AMBRA1: variants seen among roughly 807,000 people sequenced by gnomAD.
AMBRA1 encodes autophagy and beclin 1 regulator 1.
In AMBRA1, 47 loss-of-function variants were observed where a neutral mutation model predicts 125.4. That is an observed-to-expected ratio of 0.37 (90% CI 0.30 to 0.48). The LOEUF (loss-of-function observed/expected upper bound fraction) is 0.48, where lower values mean the gene tolerates loss of function less well. AMBRA1 is among the 20% of genes least tolerant of loss of function. AMBRA1 has a pLI of 0.99. For missense variants in AMBRA1, 1,331 were observed against 1,693.4 expected (o/e 0.79, Z 3.76); for synonymous variants, 626 against 655.5 (o/e 0.95, Z 0.69).
At chr11:46,545,928 T>C (rs1952994146) in intron 4 of AMBRA1, 152 bp from the exon 5 acceptor site, 1 of 654,854 alleles carries the variant, frequency 1.5e-6, no homozygotes, top group Non-Finnish European at 2.6e-6. Flanking sequence ...AGATCAGCGA[T>C]CTGGTAGTGC....
chr11:46,517,349 T>C (rs549263506), intron 7 of AMBRA1, among the ~76,000 whole-genome samples: 4 of 151,006 alleles, frequency 2.6e-5, no homozygotes, highest in African/African-American at 7.3e-5. Flanking sequence ...GGTTGCACCA[T>C]GTTGGCTGGA....
chr11:46,477,633 C>A (rs561851097), intron 11 of AMBRA1, among the ~76,000 whole-genome samples: 61 of 152,260 alleles, frequency 4.0e-4, no homozygotes, highest in Admixed American at 1.2e-3. Context: ...CTGTGCCCAG[C>A]CTCTTTGAGG....
At chr11:46,421,969 G>C (rs1467259130) in intron 14 of AMBRA1, among the ~76,000 whole-genome samples, 1 of 152,114 alleles carries the variant, frequency 6.6e-6, no homozygotes, top group Admixed American at 6.5e-5. Context: ...TCAAGTAAAG[G>C]TTTCTTTAAT....
At chr11:46,521,379 T>G (rs1240089755) in intron 7 of AMBRA1, among the ~76,000 whole-genome samples, 1 of 152,264 alleles carries the variant, frequency 6.6e-6, no homozygotes, top group Non-Finnish European at 1.5e-5. Flanking sequence ...CTGATGCTCC[T>G]GGACTGTAAA....
chr11:46,517,274 A>G (rs550497063), intron 7 of AMBRA1, among the ~76,000 whole-genome samples: 1 of 150,228 alleles, frequency 6.7e-6, no homozygotes, highest in African/African-American at 2.4e-5. Flanking sequence ...CAGCCTCCCA[A>G]GTAGCTGGGA....
chr11:46,560,369 A>C (rs1307396388), intron 1 of AMBRA1, among the ~76,000 whole-genome samples: 1 of 152,206 alleles, frequency 6.6e-6, no homozygotes, highest in African/African-American at 2.4e-5. Context: ...CTGTAACTAT[A>C]ATAAGGGGGG....
chr11:46,560,963 G>A lies in AMBRA1; in HGVS notation c.-120-12463C>T, dbSNP rs80179555. On this transcript the variant is annotated intron_variant, in intron 1 of 17. Coordinates refer to ENST00000683756, the MANE Select transcript of AMBRA1 (RefSeq NM_001387011.1). ...AATATCAGGAGGCTGGAGTAGGGCC[G>A]ATTTCAAATCATAAAGGATCACATC... is the stretch of plus-strand genomic sequence containing the variant. 6.6e-3 allele frequency among the ~76,000 whole-genome samples: 1,008 copies of A among 152,276 alleles called. 5 individuals are homozygous for A. The highest frequency in any genetic ancestry group is 0.01 in the Non-Finnish European group (704 of 68,030).
intron 1 of AMBRA1, among the ~76,000 whole-genome samples, chr11:46,579,999 C>A (rs2135308077): frequency 6.6e-6 from 1 of 152,340 alleles, no homozygotes; most frequent in South Asian, 2.1e-4. Flanking sequence ...AGGCGTGAGT[C>A]ACCACGCCCA....
intron 11 of AMBRA1, among the ~76,000 whole-genome samples, chr11:46,486,624 G>A (rs551876488): frequency 1.3e-5 from 2 of 152,294 alleles, no homozygotes; most frequent in South Asian, 2.1e-4. Flanking sequence ...GACAAGAGGA[G>A]GCTAGGTGCA....
intron 1 of AMBRA1, among the ~76,000 whole-genome samples, chr11:46,571,999 T>C (rs947184153): frequency 9.9e-5 from 15 of 152,174 alleles, no homozygotes; most frequent in African/African-American, 2.9e-4. Context: ...AATCAATCAA[T>C]ATCTTAAAAA....
chr11:46,564,297 A>G (rs1048392240), intron 1 of AMBRA1, among the ~76,000 whole-genome samples: 1 of 152,006 alleles, frequency 6.6e-6, no homozygotes, highest in Non-Finnish European at 1.5e-5. Flanking sequence ...AATATAACAC[A>G]TATATATACA....
chr11:46,501,037 T>C (rs1950818853), intron 9 of AMBRA1, among the ~76,000 whole-genome samples: 2 of 152,236 alleles, frequency 1.3e-5, no homozygotes, highest in Admixed American at 1.3e-4. Context: ...GGGGCTCATC[T>C]GCCACACATC....
chr11:46,530,335 A>T (rs767858087), intron 7 of AMBRA1, among the ~76,000 whole-genome samples: 1 of 152,220 alleles, frequency 6.6e-6, no homozygotes, highest in African/African-American at 2.4e-5. Context: ...GGGATAATTT[A>T]GATCAGCCTA....
intron 15 of AMBRA1, among the ~76,000 whole-genome samples, chr11:46,417,165 C>A (rs61882691): frequency 0.14 from 21,008 of 152,036 alleles, 1,537 homozygotes; most frequent in Non-Finnish European, 0.17. Context: ...GATTCCCCTG[C>A]CTCAGCCTCC....
In AMBRA1 at chr11:46,542,706, C is replaced by T. The variant is rs770354305; in HGVS notation, c.1311G>A (p.Pro437=). The T allele has an allele frequency of 6.2e-6, 10 of 1,613,944 alleles. No homozygotes were observed. The highest frequency in any genetic ancestry group is 4.5e-5 in the East Asian group (2 of 44,880). ...NSRSEAESMP[P]PRTSASSVSL... is the part of the protein sequence containing the mutation. Reference sequence around the variant, plus strand: ...TCACCGAAGAGGCACTGGTTCTGGGCGGGGGCATGGATTCCGCCTCAGAGC... The same window carrying T: ...TCACCGAAGAGGCACTGGTTCTGGGTGGGGGCATGGATTCCGCCTCAGAGC... The change falls in exon 7 of 18, where the codon CCG becomes CCA. Residue 437 remains proline (P), a synonymous_variant. Transcript: ENST00000683756. The surrounding 1 kb of genome is among the most constrained non-coding windows in gnomAD (Gnocchi z 5.9).
chr11:46,592,768 G>A (rs111328862), intron 1 of AMBRA1, among the ~76,000 whole-genome samples: 137 of 147,392 alleles, frequency 9.3e-4, no homozygotes, highest in African/African-American at 3.4e-3. Flanking sequence ...AAAAAAAAAA[G>A]AAAAAAGAGA....
intron 5 of AMBRA1, among the ~76,000 whole-genome samples, 163 bp from the exon 6 acceptor site, chr11:46,544,204 G>A (rs1952888718): frequency 6.6e-6 from 1 of 152,186 alleles, no homozygotes; most frequent in Admixed American, 6.5e-5. Context: ...GATTAAAATA[G>A]TAACACTCAA....
rs1400886346 is a variant in AMBRA1, at chr11:46,544,048, T to G, written c.552-7A>C. The G allele has an allele frequency of 6.2e-7, 1 of 1,612,354 alleles. No homozygotes were observed. The highest frequency in any genetic ancestry group is 1.1e-5 in the South Asian group (1 of 90,920). On this transcript the variant is annotated splice_polypyrimidine_tract_variant and splice_region_variant and intron_variant, in intron 5 of 17. Coordinates refer to ENST00000683756, the MANE Select transcript of AMBRA1 (RefSeq NM_001387011.1). ...TGGATCAAATCTCACCAGACTAAAA[T>G]CACAGAAGAAAGAGACAAAGACACA...
intron 17 of AMBRA1, 41 bp from the exon 18 acceptor site, chr11:46,397,984 G>T (rs1475922335): frequency 1.3e-6 from 2 of 1,541,344 alleles, no homozygotes; most frequent in Non-Finnish European, 1.7e-6. Context: ...ATTGGCTGCT[G>T]GCCTGGGCCT....
Sources: gnomAD v4.1 joint callset for allele counts (sites outside exome capture counted in the v4.1 genomes callset) on GRCh38, gnomAD v4.1.1 for gene constraint, Gnocchi (gnomAD v3.1) non-coding constraint, MANE v1.5 for transcripts, NCBI Gene and HGNC (gene_info 2026-07-23, HGNC 2026-07-21) for gene names.